The following TNXB variants were observed in gnomAD, a reference collection of about 807,000 sequenced individuals.
TNXB encodes tenascin XB.
Under a neutral mutation model 340.5 loss-of-function variants are expected in TNXB, and 183 were observed. The observed-to-expected ratio is 0.54, with a 90% CI of 0.48 to 0.61. TNXB has a LOEUF of 0.61. Among genes scored for constraint, TNXB ranks in the 20% least tolerant of loss-of-function variants. The pLI, the probability that TNXB is intolerant of heterozygous loss-of-function variation, is 0.00. For missense variants in TNXB, 4,613 were observed against 5,446.4 expected, an observed-to-expected ratio of 0.85 and a Z score of 4.82; for synonymous variants, 2,121 against 2,314.5, an observed-to-expected ratio of 0.92 and a Z score of 2.40.
chr6:32,041,657 G>T, intron 43 of TNXB, 114 bp downstream of exon 43: 3 of 1,154,314 alleles, frequency 2.6e-6, no homozygotes, highest in South Asian at 1.3e-5. Context: ...AGGCTGGCAT[G>T]ATTGTTCCAT....
At chr6:32,048,033 C>T (rs1251267315) in intron 29 of TNXB, 21 bp from the exon 30 acceptor site, 1 of 1,595,202 alleles carries the variant, frequency 6.3e-7, no homozygotes, top group South Asian at 1.1e-5. Flanking sequence ...CAGTGAGGTG[C>T]ATGGAGAGTG....
At chr6:32,071,575 TTTC>T (rs1265813465) in intron 13 of TNXB, among the ~76,000 whole-genome samples, 4 of 108,684 alleles carry the variant, frequency 3.7e-5, no homozygotes, top group South Asian at 4.2e-4. Flanking sequence ...GCGGCTTTTC[TTTC>T]TTTTTTTTTT....
chr6:32,099,097 T>C (rs1473730779), intron 1 of TNXB, among the ~76,000 whole-genome samples: 1 of 152,190 alleles, frequency 6.6e-6, no homozygotes, highest in Non-Finnish European at 1.5e-5. Flanking sequence ...GTCTGGCACA[T>C]AAATGTTCTA....
chr6:32,067,100 A>T lies in TNXB; in HGVS notation c.6544+561T>A, dbSNP rs28732169. On this transcript the variant is annotated intron_variant, in intron 18 of 43. Transcript: ENST00000644971. The surrounding 1 kb of genome is among the most constrained non-coding windows in gnomAD (Gnocchi z 4.2). ...AAAAAGAAAGAAAGAAAAGAATGAA[A>T]GAAAGAAAGAAAGAGAAAGAAAGAA... 3.4e-4 allele frequency among the ~76,000 whole-genome samples: 50 copies of T among 148,720 alleles called. No homozygotes were observed. The highest frequency in any genetic ancestry group is 9.0e-4 in the African/African-American group (36 of 39,782).
chr6:32,056,722 G>A lies in TNXB; in HGVS notation c.8007C>T (p.Pro2669=), dbSNP rs761049408. Reference sequence around the variant, plus strand: ...CGTGCCCCGGCACCCGCACCGCCTTGGGCTGCCCATCCCCATTCCTGTACT... The same window carrying A: ...CGTGCCCCGGCACCCGCACCGCCTTAGGCTGCCCATCCCCATTCCTGTACT... ...LVQYRNGDGQ[P]KAVRVPGHED... The change falls in exon 23 of 44, where the codon CCC becomes CCT. Residue 2669 remains proline, a synonymous_variant. Coordinates refer to ENST00000644971, the MANE Select transcript of TNXB (RefSeq NM_001365276.2). 3 of 1,613,128 alleles carry A rather than the reference G, an allele frequency of 1.9e-6. No homozygotes were observed. Among genetic ancestry groups the A allele is most frequent in the Non-Finnish European group, 2.5e-6 (3 of 1,179,864 alleles).
In TNXB at chr6:32,062,340, G is replaced by A; in HGVS notation, c.6985C>T (p.Gln2329Ter). Residue 2329 changes from glutamine (Q) to a stop codon, truncating the protein, a stop_gained, in exon 20 of 44, where the codon CAG becomes TAG. Coordinates refer to ENST00000644971, the MANE Select transcript of TNXB (RefSeq NM_001365276.2). LOFTEE classifies it high-confidence loss of function. This position sits in a 1 kb window ranked among gnomAD's most constrained non-coding sequence, Gnocchi z 4.3. ...TACTGGACCAGGAAGTGGTCAAACTGTCCCTCGGGAACCGTCCAGGACAGG... is the reference window on the plus strand; with the variant it reads ...TACTGGACCAGGAAGTGGTCAAACTATCCCTCGGGAACCGTCCAGGACAGG... ...LSLSWTVPEG[Q>*]FDHFLVQYKN... is the part of the protein sequence containing the mutation. 6.2e-7 allele frequency: 1 copy of A among 1,613,578 alleles called. No individual in the cohort carries two copies. Among genetic ancestry groups the A allele is most frequent in the South Asian group, 1.1e-5 (1 of 91,078 alleles).
chr6:32,081,236 AG>A lies in TNXB; in HGVS notation c.4042+131del. ...GCAGAGGACAGGAGAGCAGTGCGGG[AG>A]GAAGTGGGTGGAGGCTTTGGCAAAA... is the stretch of plus-strand genomic sequence containing the variant. On this transcript the variant is annotated intron_variant, in intron 10 of 43. Coordinates refer to ENST00000644971, the MANE Select transcript of TNXB (RefSeq NM_001365276.2). The surrounding 1 kb of genome is among the most constrained non-coding windows in gnomAD (Gnocchi z 5.1). 1 of 818,448 alleles carries A rather than the reference AG, an allele frequency of 1.2e-6. No individual in the cohort carries two copies. The highest frequency in any genetic ancestry group is 1.8e-5 in the South Asian group (1 of 56,374). The allele number at this position is 818,448 out of a possible 1,614,324, so 50.7% of individuals were successfully genotyped here.
intron 25 of TNXB, 60 bp downstream of exon 25, chr6:32,053,328 C>A: frequency 6.4e-7 from 1 of 1,569,342 alleles, no homozygotes; most frequent in Non-Finnish European, 8.6e-7. Flanking sequence ...GTTCACCCAT[C>A]ACCAGAGAAA....
rs755972376 is a variant in TNXB at position 32,096,447 on chromosome 6, T to C, written c.1406A>G (p.Asp469Gly). 4 of 1,597,500 alleles carry C rather than the reference T, an allele frequency of 2.5e-6. No homozygotes were observed. The South Asian group carries it at 3.3e-5, about 13-fold the overall frequency. ...CTCACAGCGGCCCCGGCCACGACAG[T>C]CCCCAGGACAGCTGCGCACACCGCA... ...EDCGVRSCPG[D>G]CRGRGRCESG... The change falls in exon 3 of 44, where the codon GAC becomes GGC. Residue 469 changes from aspartate to glycine, a missense_variant. Around this residue, in one of 7 missense-constraint regions of TNXB, gnomAD observed 4,327 missense variants for 4,859.4 expected, o/e 0.89. Transcript: ENST00000644971.
intron 1 of TNXB, among the ~76,000 whole-genome samples, chr6:32,107,656 T>G (rs1211113385): frequency 6.6e-6 from 1 of 152,180 alleles, no homozygotes; most frequent in Non-Finnish European, 1.5e-5. Context: ...AAACTGTGAC[T>G]CAGCTTCCTG....
chr6:32,070,205 C>G lies in TNXB; in HGVS notation c.5200G>C (p.Gly1734Arg). The G allele has an allele frequency of 6.2e-7, 1 of 1,612,164 alleles. No homozygotes were observed. The highest frequency in any genetic ancestry group is 1.7e-4 in the Middle Eastern group (1 of 6,060). Residue 1734 changes from glycine (G) to arginine (R), a missense_variant, in exon 14 of 44, where the codon GGC becomes CGC. Around this residue, in one of 7 missense-constraint regions of TNXB, gnomAD observed 4,327 missense variants for 4,859.4 expected, o/e 0.89. Coordinates refer to ENST00000644971, the MANE Select transcript of TNXB (RefSeq NM_001365276.2). The surrounding 1 kb of genome is among the most constrained non-coding windows in gnomAD (Gnocchi z 6.0). ...RSVTVTPLDA[G>R]RKYRFLLYGL... ...TAGAGGAGGAATCTGTACTTGCGGC[C>G]GGCATCCAGAGGGGTGACAGTGACA...
chr6:32,102,746 CCT>C (rs57875584), intron 1 of TNXB, among the ~76,000 whole-genome samples: 11,272 of 151,958 alleles, frequency 0.074, 589 homozygotes, highest in Middle Eastern at 0.15. Context: ...ACGGTGAAAC[CCT>C]GTCTCTACTA....
rs375482088 is a variant in TNXB at position 32,062,428 on chromosome 6, T to C, written c.6897A>G (p.Glu2299=). 32 of 1,612,068 alleles carry C rather than the reference T, an allele frequency of 2.0e-5. No individual in the cohort carries two copies. The highest frequency in any genetic ancestry group is 2.5e-5 in the Non-Finnish European group (30 of 1,179,506). ...CCTCCAGGCGAGGCTTGATGGGGGG[T>C]TCAGGGGTGGGAGGTTCTGTCGAGG... ...APASTEPPTP[E]PPIKPRLEEL... The change falls in exon 20 of 44, where the codon GAA becomes GAG. Residue 2299 remains glutamate, a synonymous_variant. Coordinates refer to ENST00000644971, the MANE Select transcript of TNXB (RefSeq NM_001365276.2). The surrounding 1 kb of genome is among the most constrained non-coding windows in gnomAD (Gnocchi z 4.3).
intron 11 of TNXB, among the ~76,000 whole-genome samples, chr6:32,077,724 G>A (rs1378173823): frequency 6.6e-6 from 1 of 152,242 alleles, no homozygotes; most frequent in Non-Finnish European, 1.5e-5. Context: ...CTCACTGGAT[G>A]AGTATTAAAG....
At position 32,047,009 on chromosome 6, in the gene TNXB, C is replaced by A. The variant is rs1776931734; in HGVS notation, c.10325-553G>T. Among the ~76,000 whole-genome samples the A allele has an allele frequency of 6.6e-6, 1 of 152,240 alleles. No individual in the cohort carries two copies. The highest frequency in any genetic ancestry group is 1.5e-5 in the Non-Finnish European group (1 of 68,042). Reference sequence around the variant, plus strand: ...CCACACTGACCCCACTGGGCCGGGGCAGCCAGGGTGGGGCAGGGAGAAGAC... The same window carrying A: ...CCACACTGACCCCACTGGGCCGGGGAAGCCAGGGTGGGGCAGGGAGAAGAC... On this transcript the variant is annotated intron_variant, in intron 30 of 43. Transcript: ENST00000644971. The surrounding 1 kb of genome is among the most constrained non-coding windows in gnomAD (Gnocchi z 6.2).
Position 32,089,073 on chromosome 6 carries a change from CAGGT to C in TNXB, c.2516-29_2516-26del, listed in dbSNP as rs773425002. 10 of 1,600,380 alleles carry C rather than the reference CAGGT, an allele frequency of 6.2e-6. No homozygotes were observed. The highest frequency in any genetic ancestry group is 7.7e-6 in the Non-Finnish European group (9 of 1,172,360). On this transcript the variant is annotated intron_variant, in intron 5 of 43. Coordinates refer to ENST00000644971, the MANE Select transcript of TNXB (RefSeq NM_001365276.2). The surrounding 1 kb of genome is among the most constrained non-coding windows in gnomAD (Gnocchi z 6.2). ...ACTAGCCAGGTTAAAGAGGAGGACT[CAGGT>C]GGGTGTCTGGTTCTTCAATCATCAT...
chr6:32,048,568 G>A lies in TNXB; in HGVS notation c.9840C>T (p.Leu3280=), dbSNP rs1777052971. The change falls in exon 29 of 44, where the codon CTC becomes CTT. Residue 3280 remains leucine (L), a synonymous_variant. Transcript: ENST00000644971. ...AGGGGCCCTGGGCCACCGTCCATGAGAGGCCCACTGAGTCCGAGGTCACGG... is the reference window on the plus strand; with the variant it reads ...AGGGGCCCTGGGCCACCGTCCATGAAAGGCCCACTGAGTCCGAGGTCACGG... ...VAAVTSDSVG[L]SWTVAQGPFD... 1.3e-6 allele frequency: 2 copies of A among 1,557,338 alleles called. No individual in the cohort carries two copies. The highest frequency in any genetic ancestry group is 1.4e-5 in the African/African-American group (1 of 73,490).
chr6:32,047,631 T>G lies in TNXB; in HGVS notation c.10324+103A>C. ...CACTTTCGGAGTTAAGATGGTTGTG[T>G]CAGGGCTGATAGAGGGAATCTCACG... On this transcript the variant is annotated intron_variant, in intron 30 of 43. Transcript: ENST00000644971. The surrounding 1 kb of genome is among the most constrained non-coding windows in gnomAD (Gnocchi z 6.2). The G allele has an allele frequency of 7.4e-7, 1 of 1,358,974 alleles. No homozygotes were observed. Among genetic ancestry groups the G allele is most frequent in the South Asian group, 1.5e-5 (1 of 66,072 alleles). The allele number at this position is 1,358,974 out of a possible 1,614,324, so 84.2% of individuals were successfully genotyped here.
chr6:32,046,460 T>C lies in TNXB; in HGVS notation c.10325-4A>G, dbSNP rs1776892726. 6.4e-7 allele frequency: 1 copy of C among 1,562,894 alleles called. No individual in the cohort carries two copies. The highest frequency in any genetic ancestry group is 1.4e-5 in the African/African-American group (1 of 73,834). On this transcript the variant is annotated splice_region_variant and splice_polypyrimidine_tract_variant and intron_variant, in intron 30 of 43. Transcript: ENST00000644971. This position sits in a 1 kb window ranked among gnomAD's most constrained non-coding sequence, Gnocchi z 6.9. ...GGTAGCTCCTTCTCCAGGGGAGCTG[T>C]GCAGAGGGAGGAGGGAAAGCTCTTA...
Sources: gnomAD v4.1 joint callset for allele counts (sites outside exome capture counted in the v4.1 genomes callset) on GRCh38, gnomAD v4.1.1 for gene constraint, gnomAD v4.1.1 regional missense constraint, Gnocchi (gnomAD v3.1) non-coding constraint, MANE v1.5 for transcripts, NCBI Gene and HGNC (gene_info 2026-07-23, HGNC 2026-07-21) for gene names.